UBE2F: variants seen among roughly 807,000 people sequenced by gnomAD.
UBE2F encodes the protein ubiquitin conjugating enzyme E2 F (putative), also known as NEDD8-conjugating enzyme UBE2F.
Under a neutral mutation model 29.6 loss-of-function variants are expected in UBE2F, and 5 were observed. The ratio of observed to expected loss-of-function variants is 0.17; its 90% confidence interval spans 0.09 to 0.36. UBE2F has a LOEUF of 0.36. UBE2F is among the 10% of genes least tolerant of loss of function. The pLI, the probability that UBE2F is intolerant of heterozygous loss-of-function variation, is 1.00. For missense variants in UBE2F, 141 were observed against 228.5 expected, an observed-to-expected ratio of 0.62 and a Z score of 2.47; for synonymous variants, 66 against 81.8, an observed-to-expected ratio of 0.81 and a Z score of 1.04.
chr2:237,989,321 G>T (rs192205501), intron 3 of UBE2F, among the ~76,000 whole-genome samples: 1 of 152,262 alleles, frequency 6.6e-6, no homozygotes, highest in East Asian at 1.9e-4. Context: ...TGTGAAATCA[G>T]TTTGAGAGGG....
intron 2 of UBE2F, among the ~76,000 whole-genome samples, chr2:237,979,240 GT>G (rs1312260673): frequency 6.6e-6 from 1 of 152,202 alleles, no homozygotes; most frequent in East Asian, 1.9e-4. Flanking sequence ...ACCTTCTCTT[GT>G]TTTGGCTGAT....
In UBE2F at chr2:238,040,036, G is replaced by A. The variant is rs1361924928; in HGVS notation, c.508-1252G>A. ...AAGGCCCATGTGGGAGGCTCCAAAC[G>A]CCATCCTGTAGACAAATAGGGCGGT... is the stretch of plus-strand genomic sequence containing the variant. On this transcript the variant is annotated intron_variant, in intron 9 of 9. Coordinates refer to ENST00000272930, the MANE Select transcript of UBE2F (RefSeq NM_080678.3). The surrounding 1 kb of genome is among the most constrained non-coding windows in gnomAD (Gnocchi z 4.4). Among the ~76,000 whole-genome samples the A allele has an allele frequency of 2.6e-5, 4 of 152,158 alleles. No homozygotes were observed. Among genetic ancestry groups the A allele is most frequent in the South Asian group, 2.1e-4 (1 of 4,828 alleles).
chr2:237,986,865 G>A (rs62194510), intron 2 of UBE2F, among the ~76,000 whole-genome samples: 44,855 of 152,068 alleles, frequency 0.29, 8,226 homozygotes, highest in Admixed American at 0.41. Context: ...TCTGTTCTGT[G>A]TGTCTGTTTT....
At chr2:238,003,701 G>C (rs187198085) in intron 4 of UBE2F, among the ~76,000 whole-genome samples, 2 of 152,052 alleles carry the variant, frequency 1.3e-5, no homozygotes, top group Admixed American at 1.3e-4. Flanking sequence ...TAAGTTTCCC[G>C]TTCCACCTGA....
chr2:238,025,446 G>A (rs375405811), intron 6 of UBE2F, 34 bp downstream of exon 6: 130 of 1,573,480 alleles, frequency 8.3e-5, no homozygotes, highest in Admixed American at 4.8e-4. Context: ...TTCTACATTC[G>A]TGAGTGTCAT....
intron 2 of UBE2F, among the ~76,000 whole-genome samples, chr2:237,985,154 CATA>C (rs1278933064): frequency 1.3e-5 from 2 of 152,162 alleles, no homozygotes; most frequent in African/African-American, 2.4e-5. Context: ...CTTTGATAAA[CATA>C]GTAGTAGGTT....
At chr2:237,995,955 C>T (rs1210177740) in intron 4 of UBE2F, among the ~76,000 whole-genome samples, 1 of 152,020 alleles carries the variant, frequency 6.6e-6, no homozygotes, top group East Asian at 1.9e-4. Flanking sequence ...ATTAGCTGTA[C>T]TTTATGCCAA....
Position 238,040,920 on chromosome 2 carries a change from C to G in UBE2F, c.508-368C>G, listed in dbSNP as rs1158818526. Among the ~76,000 whole-genome samples the G allele has an allele frequency of 2.6e-5, 4 of 152,186 alleles. No homozygotes were observed. In the East Asian group the frequency reaches 5.8e-4, roughly 22 times the overall value. On this transcript the variant is annotated intron_variant, in intron 9 of 9. Coordinates refer to ENST00000272930, the MANE Select transcript of UBE2F (RefSeq NM_080678.3). The surrounding 1 kb of genome is among the most constrained non-coding windows in gnomAD (Gnocchi z 4.4). ...CCAGAAACAAGGGTCTTCCTGAGAGCAGCAGCTGTGGCTCACATCCATTGT... is the reference window on the plus strand; with the variant it reads ...CCAGAAACAAGGGTCTTCCTGAGAGGAGCAGCTGTGGCTCACATCCATTGT...
At chr2:237,973,544 C>T (rs1183642428) in intron 2 of UBE2F, 2 of 605,464 alleles carry the variant, frequency 3.3e-6, no homozygotes, top group Admixed American at 3.2e-5. Flanking sequence ...TCAGAGCTGC[C>T]ATTATCTTCC....
chr2:238,038,477 A>G (rs1399749400), intron 9 of UBE2F, among the ~76,000 whole-genome samples: 1 of 152,210 alleles, frequency 6.6e-6, no homozygotes, highest in Non-Finnish European at 1.5e-5. Flanking sequence ...CCTTGCAGGC[A>G]TTCATGGCGG....
intron 6 of UBE2F, among the ~76,000 whole-genome samples, chr2:238,027,417 G>A (rs1438692152): frequency 6.6e-6 from 1 of 152,220 alleles, no homozygotes; most frequent in Non-Finnish European, 1.5e-5. Context: ...AGTAACCAGA[G>A]AAAGGCGCAG....
Position 237,967,349 on chromosome 2 carries a change from C to T in UBE2F, c.-17+217C>T, listed in dbSNP as rs1391861759. On this transcript the variant is annotated intron_variant, in intron 1 of 9. Coordinates refer to ENST00000272930, the MANE Select transcript of UBE2F (RefSeq NM_080678.3). The surrounding 1 kb of genome is among the most constrained non-coding windows in gnomAD (Gnocchi z 6.3). ...GGGCCGCGGGCCGCGAGCCGGGGGTCGGAGGCGGCGTCGGCGGCCGGGGCG... is the reference window on the plus strand; with the variant it reads ...GGGCCGCGGGCCGCGAGCCGGGGGTTGGAGGCGGCGTCGGCGGCCGGGGCG... Among the ~76,000 whole-genome samples the T allele has an allele frequency of 6.8e-6, 1 of 147,268 alleles. No individual in the cohort carries two copies. Among genetic ancestry groups the T allele is most frequent in the Non-Finnish European group, 1.5e-5 (1 of 66,222 alleles).
intron 4 of UBE2F, among the ~76,000 whole-genome samples, chr2:238,015,649 A>G (rs990828696): frequency 1.3e-5 from 2 of 152,190 alleles, no homozygotes; most frequent in Admixed American, 1.3e-4. Context: ...CATTCATTTC[A>G]TATAAAAATT....
chr2:238,001,030 T>TG (rs1451137517), intron 4 of UBE2F, among the ~76,000 whole-genome samples: 2 of 121,764 alleles, frequency 1.6e-5, no homozygotes, highest in East Asian at 5.4e-4. Context: ...GATAGAGTTT[T>TG]GCCTTTTTTT....
rs148029608 is a variant in UBE2F, at chr2:238,023,464, G to A, written c.283-1878G>A. Among the ~76,000 whole-genome samples, 334 of 152,232 alleles carry A rather than the reference G, an allele frequency of 2.2e-3. 1 individual carries two copies. Among genetic ancestry groups the A allele is most frequent in the African/African-American group, 7.7e-3 (320 of 41,522 alleles). ...AATTAGGAAGAATGCTCATTATAGT[G>A]TCGAAAAAGTATTTTTGCTTTATAC... On this transcript the variant is annotated intron_variant, in intron 5 of 9. Transcript: ENST00000272930.
chr2:238,002,832 A>G (rs2063824807), intron 4 of UBE2F, among the ~76,000 whole-genome samples: 1 of 151,614 alleles, frequency 6.6e-6, no homozygotes, highest in African/African-American at 2.4e-5. Context: ...GGGTTTCCCC[A>G]TGTTGGCCAG....
intron 9 of UBE2F, 141 bp downstream of exon 9, chr2:238,036,081 C>T: frequency 1.4e-6 from 1 of 715,524 alleles, no homozygotes; most frequent in Non-Finnish European, 2.4e-6. Context: ...AATTTGTAAA[C>T]AATATGGTAT....
At chr2:238,019,332 T>G (rs1406276888) in intron 5 of UBE2F, among the ~76,000 whole-genome samples, 3 of 152,130 alleles carry the variant, frequency 2.0e-5, no homozygotes, top group Non-Finnish European at 4.4e-5. Context: ...CCTACCCTGC[T>G]TCTGTAGGGT....
chr2:238,011,429 C>T (rs73096364), intron 4 of UBE2F, among the ~76,000 whole-genome samples: 1,889 of 152,294 alleles, frequency 0.012, 48 homozygotes, highest in African/African-American at 0.044. Flanking sequence ...CTTTCTACTC[C>T]TTCTATTATA....
Sources: allele counts gnomAD v4.1 joint callset (sites outside exome capture counted in the v4.1 genomes callset), GRCh38; gene constraint gnomAD v4.1.1; non-coding constraint Gnocchi (gnomAD v3.1); transcripts MANE v1.5; gene names NCBI Gene and HGNC (gene_info 2026-07-23, HGNC 2026-07-21).